SLC8A1: variants seen among roughly 807,000 people sequenced by gnomAD.
SLC8A1 encodes the protein solute carrier family 8 member A1.
SLC8A1 carries 18 observed loss-of-function variants against 68.3 expected under a neutral mutation model. That is an observed-to-expected ratio of 0.26 (90% confidence interval 0.18 to 0.39). The LOEUF (loss-of-function observed/expected upper bound fraction) is 0.39, where lower values mean the gene tolerates loss of function less well. Among genes scored for constraint, SLC8A1 ranks in the 10% least tolerant of loss-of-function variants. SLC8A1 has a pLI of 1.00. For synonymous variants in SLC8A1, 475 were observed against 415.5 expected (o/e 1.14, Z -1.74); for missense variants, 985 against 1,156.7 (o/e 0.85, Z 2.15).
chr2:40,264,853 AAAAT>A (rs2065159342), intron 2 of SLC8A1, among the ~76,000 whole-genome samples: 1 of 152,232 alleles, frequency 6.6e-6, no homozygotes, highest in African/African-American at 2.4e-5. Flanking sequence ...GTATAAAAAA[AAAAT>A]AGAGCACACA....
At chr2:40,407,320 C>T (rs1401468567) in intron 2 of SLC8A1, among the ~76,000 whole-genome samples, 1 of 152,206 alleles carries the variant, frequency 6.6e-6, no homozygotes, top group African/African-American at 2.4e-5. Context: ...CCCGCCTCGG[C>T]CTCCCACAGT....
chr2:40,281,100 G>C (rs2067451467), intron 2 of SLC8A1, among the ~76,000 whole-genome samples: 3 of 152,148 alleles, frequency 2.0e-5, no homozygotes, highest in African/African-American at 7.2e-5. Flanking sequence ...ATGACAGTAA[G>C]ATTTCACAAG....
intron 2 of SLC8A1, among the ~76,000 whole-genome samples, chr2:40,320,531 G>C (rs903690822): frequency 3.9e-5 from 6 of 152,102 alleles, no homozygotes. Flanking sequence ...GGAAGAATGG[G>C]ATTTGCCTAA....
chr2:40,321,302 T>C lies in SLC8A1; in HGVS notation c.1808+107171A>G, dbSNP rs573726737. Among the ~76,000 whole-genome samples, 7 of 152,240 alleles carry C rather than the reference T, an allele frequency of 4.6e-5. No homozygotes were observed. The East Asian group carries it at 1.2e-3, about 25-fold the overall frequency. On this transcript the variant is annotated intron_variant, in intron 2 of 7. Transcript: ENST00000406785. ...AATCTCGGTGTATGGTTTGCACAAG[T>C]AAATTAAGACATTTATAACCAGTAT...
chr2:40,320,868 C>G (rs576672726), intron 2 of SLC8A1, among the ~76,000 whole-genome samples: 2 of 152,124 alleles, frequency 1.3e-5, no homozygotes, highest in Non-Finnish European at 2.9e-5. Context: ...AACACTCTAT[C>G]AGTCACTACT....
In SLC8A1 at chr2:40,326,542, C is replaced by CCT. The variant is rs1261337549; in HGVS notation, c.1808+101930_1808+101931insAG. Among the ~76,000 whole-genome samples the CCT allele has an allele frequency of 2.6e-5, 4 of 152,162 alleles. 1 individual carries two copies. The highest frequency in any genetic ancestry group is 2.6e-4 in the Admixed American group (4 of 15,270). ...CTTGGTCTTTTCTTGTCACAGCCCA[C>CCT]TCATTTTGCTTCCCCACCTTCCTTC... On this transcript the variant is annotated intron_variant, in intron 2 of 7. Transcript: ENST00000406785.
At chr2:40,466,135 A>G (rs1703656781) in intron 1 of SLC8A1, among the ~76,000 whole-genome samples, 1 of 152,154 alleles carries the variant, frequency 6.6e-6, no homozygotes, top group African/African-American at 2.4e-5. Context: ...CACAAAATGG[A>G]CTAAAACAAG....
intron 1 of SLC8A1, among the ~76,000 whole-genome samples, chr2:40,485,468 C>A (rs1435159108): frequency 6.6e-6 from 1 of 152,148 alleles, no homozygotes; most frequent in African/African-American, 2.4e-5. Flanking sequence ...TAAGACTATT[C>A]CCTATGTCTC....
chr2:40,129,502 T>C (rs12712682), intron 7 of SLC8A1, among the ~76,000 whole-genome samples: 25,234 of 152,104 alleles, frequency 0.17, 2,176 homozygotes, highest in Admixed American at 0.21. Context: ...TCCCAAAGTG[T>C]GGGGATTACA....
chr2:40,351,262 A>G (rs1670992959), intron 2 of SLC8A1, among the ~76,000 whole-genome samples: 1 of 152,138 alleles, frequency 6.6e-6, no homozygotes, highest in Non-Finnish European at 1.5e-5. Flanking sequence ...GAATAAATGA[A>G]CAAATACTAC....
chr2:40,189,521 G>A (rs565571500), intron 2 of SLC8A1, among the ~76,000 whole-genome samples: 5 of 152,052 alleles, frequency 3.3e-5, no homozygotes, highest in African/African-American at 7.2e-5. Flanking sequence ...GGGTTTCACC[G>A]TGTTGGCCAG....
intron 2 of SLC8A1, among the ~76,000 whole-genome samples, chr2:40,323,028 T>C (rs2075390019): frequency 1.3e-5 from 2 of 152,174 alleles, no homozygotes; most frequent in African/African-American, 2.4e-5. Context: ...TAATTTAAAA[T>C]TGAAGGATTA....
At chr2:40,101,826 AT>A (rs2033908852) in exon 8 of SLC8A1, 1 of 152,106 alleles carries the variant, frequency 6.6e-6, no homozygotes, top group South Asian at 2.1e-4. Context: ...TAAAGTCCAT[AT>A]TGCCAGGGTC....
At chr2:40,170,200 TA>T in intron 4 of SLC8A1, 80 bp downstream of exon 7, 1 of 1,261,834 alleles carries the variant, frequency 7.9e-7, no homozygotes, top group Non-Finnish European at 1.2e-6. Flanking sequence ...GGAGAGGGGC[TA>T]AAATGCATGA....
chr2:40,394,789 T>C (rs764131987), intron 2 of SLC8A1, among the ~76,000 whole-genome samples: 6 of 152,076 alleles, frequency 3.9e-5, no homozygotes, highest in African/African-American at 4.8e-5. Context: ...AAAAGGAACA[T>C]ATTAATCTAC....
chr2:40,368,887 C>G (rs1344639353), intron 2 of SLC8A1, among the ~76,000 whole-genome samples: 3 of 152,010 alleles, frequency 2.0e-5, no homozygotes, highest in African/African-American at 7.2e-5. Flanking sequence ...TAAGACCACA[C>G]ACCCACAACC....
chr2:40,490,894 A>T (rs1181677692), intron 1 of SLC8A1, among the ~76,000 whole-genome samples: 6 of 152,120 alleles, frequency 3.9e-5, no homozygotes, highest in Non-Finnish European at 8.8e-5. Context: ...GATACAAAAT[A>T]AAAAGATCCG....
At chr2:40,380,198 A>G (rs963427577) in intron 2 of SLC8A1, among the ~76,000 whole-genome samples, 1 of 152,162 alleles carries the variant, frequency 6.6e-6, no homozygotes, top group Non-Finnish European at 1.5e-5. Context: ...TCCATATGAT[A>G]AAGCTGATGC....
chr2:40,273,684 A>G (rs1165802456), intron 2 of SLC8A1, among the ~76,000 whole-genome samples: 1 of 152,196 alleles, frequency 6.6e-6, no homozygotes, highest in African/African-American at 2.4e-5. Flanking sequence ...TTAATCAGCA[A>G]TTAACTAAAA....
Sources: allele counts gnomAD v4.1 joint callset (sites outside exome capture counted in the v4.1 genomes callset), GRCh38; gene constraint gnomAD v4.1.1; transcripts MANE v1.5; gene names NCBI Gene and HGNC (gene_info 2026-07-23, HGNC 2026-07-21).